CDK6: variants seen among roughly 807,000 people sequenced by gnomAD.
The protein encoded by CDK6 is cyclin-dependent kinase 6.
Under a neutral mutation model 37.1 loss-of-function variants are expected in CDK6, and 6 were observed. The ratio of observed to expected loss-of-function variants is 0.16; its 90% CI spans 0.09 to 0.32. The LOEUF is 0.32. Ranked by LOEUF, CDK6 falls within the 10% of genes least tolerant of loss-of-function variation. The pLI, the probability that CDK6 is intolerant of heterozygous loss-of-function variation, is 1.00. For synonymous variants in CDK6, 160 were observed against 161.3 expected, an observed-to-expected ratio of 0.99 and a Z score of 0.06; for missense variants, 224 against 418.9, an observed-to-expected ratio of 0.53 and a Z score of 4.06.
At chr7:92,685,763 T>A (rs961105420) in intron 4 of CDK6, among the ~76,000 whole-genome samples, 1 of 152,228 alleles carries the variant, frequency 6.6e-6, no homozygotes, top group Non-Finnish European at 1.5e-5. Flanking sequence ...GGCCAGTTTC[T>A]ATCTTAAATC....
intron 3 of CDK6, among the ~76,000 whole-genome samples, chr7:92,748,803 T>C (rs1418665805): frequency 2.6e-5 from 4 of 152,188 alleles, no homozygotes; most frequent in Non-Finnish European, 4.4e-5. Context: ...GGCAAATATA[T>C]GACTACTCAT....
intron 3 of CDK6, among the ~76,000 whole-genome samples, chr7:92,749,724 C>T (rs937718528): frequency 1.6e-4 from 25 of 152,144 alleles, no homozygotes; most frequent in Admixed American, 6.5e-5. Flanking sequence ...TGATTTGTAG[C>T]CTTCTTTAGT....
intron 5 of CDK6, among the ~76,000 whole-genome samples, chr7:92,627,931 TAA>T (rs200802807): frequency 3.4e-5 from 5 of 148,880 alleles, no homozygotes; most frequent in Non-Finnish European, 7.5e-5. Context: ...AAAAATAAAT[TAA>T]AAAAAAAACT....
At position 92,711,552 on chromosome 7, in the gene CDK6, A is replaced by T. The variant is rs751781789; in HGVS notation, c.537+14074T>A. ...TTTTTTACCTACCTGGAATGGTCAAATTTTTTTTTTTTTTTTTTTTTTTTT... is the reference window on the plus strand; with the variant it reads ...TTTTTTACCTACCTGGAATGGTCAATTTTTTTTTTTTTTTTTTTTTTTTTT... On this transcript the variant is annotated intron_variant, in intron 4 of 7. Transcript: ENST00000424848. Among the ~76,000 whole-genome samples, 185 of 56,644 alleles carry T rather than the reference A, an allele frequency of 3.3e-3. 1 individual carries two copies. The highest frequency in any genetic ancestry group is 4.5e-3 in the Non-Finnish European group (149 of 33,268). 37.2% of individuals were successfully genotyped at this position (56,644 alleles called of 152,430 possible).
chr7:92,808,667 T>C lies in CDK6; in HGVS notation c.233+24424A>G, dbSNP rs187409867. Among the ~76,000 whole-genome samples the C allele has an allele frequency of 1.7e-3, 263 of 152,342 alleles. 1 individual carries two copies. Among genetic ancestry groups the C allele is most frequent in the Non-Finnish European group, 3.0e-3 (207 of 68,034 alleles). On this transcript the variant is annotated intron_variant, in intron 2 of 7. Transcript: ENST00000424848. ...GTCCTGAGCCCTTCTGAAAATTGTA[T>C]GCTTTGGAATGAAATTCTTCATGTG...
chr7:92,677,809 T>C (rs984237652), intron 4 of CDK6, among the ~76,000 whole-genome samples: 2 of 152,238 alleles, frequency 1.3e-5, no homozygotes, highest in African/African-American at 4.8e-5. Context: ...ATTTTAATTA[T>C]CTCAAATTAT....
chr7:92,731,026 G>A (rs184571571), intron 3 of CDK6, among the ~76,000 whole-genome samples: 32 of 152,248 alleles, frequency 2.1e-4, no homozygotes, highest in African/African-American at 5.1e-4. Flanking sequence ...GTCCTAAAGC[G>A]TTAGCCAAGT....
intron 2 of CDK6, among the ~76,000 whole-genome samples, chr7:92,809,115 G>C (rs1800808393): frequency 6.6e-6 from 1 of 152,026 alleles, no homozygotes; most frequent in Admixed American, 6.6e-5. Context: ...CTTTAATAAT[G>C]AAGATATATT....
intron 4 of CDK6, among the ~76,000 whole-genome samples, chr7:92,676,089 T>C (rs536976413): frequency 2.8e-4 from 43 of 152,132 alleles, no homozygotes; most frequent in African/African-American, 1.0e-3. Context: ...TATTTTTATC[T>C]TTTAAAATTT....
intron 2 of CDK6, among the ~76,000 whole-genome samples, chr7:92,781,410 A>C (rs1799989314): frequency 6.6e-6 from 1 of 152,224 alleles, no homozygotes; most frequent in Admixed American, 6.5e-5. Context: ...GTAATTCTTA[A>C]TGACTACTTC....
chr7:92,753,074 G>C (rs886139138), intron 3 of CDK6, among the ~76,000 whole-genome samples: 3 of 151,938 alleles, frequency 2.0e-5, no homozygotes, highest in Admixed American at 2.0e-4. Flanking sequence ...ATCTACTTCT[G>C]AACATCAAAT....
chr7:92,825,372 C>CTAAA (rs552736036), intron 2 of CDK6, among the ~76,000 whole-genome samples: 64 of 152,160 alleles, frequency 4.2e-4, no homozygotes, highest in African/African-American at 1.2e-3. Flanking sequence ...AGACATCATG[C>CTAAA]TAAATGCTTG....
At chr7:92,796,059 T>C (rs938583579) in intron 2 of CDK6, among the ~76,000 whole-genome samples, 2 of 130,180 alleles carry the variant, frequency 1.5e-5, no homozygotes, top group African/African-American at 2.9e-5. Flanking sequence ...AGGACAAAGG[T>C]AACACCACCA....
At chr7:92,630,490 T>C (rs1486586551) in intron 5 of CDK6, among the ~76,000 whole-genome samples, 2 of 152,094 alleles carry the variant, frequency 1.3e-5, no homozygotes, top group Non-Finnish European at 2.9e-5. Context: ...CTGAAAAACT[T>C]TGCAAATGAA....
intron 3 of CDK6, among the ~76,000 whole-genome samples, chr7:92,729,208 C>T (rs1798584883): frequency 6.6e-6 from 1 of 152,150 alleles, no homozygotes; most frequent in Admixed American, 6.5e-5. Context: ...TGTTCTATCT[C>T]AGTTTATAGT....
intron 5 of CDK6, among the ~76,000 whole-genome samples, chr7:92,662,200 G>C (rs1379713394): frequency 2.0e-5 from 3 of 152,170 alleles, no homozygotes; most frequent in African/African-American, 7.2e-5. Context: ...AAACTGGAGG[G>C]AAGGAAGGAG....
chr7:92,816,688 C>T (rs1045648460), intron 2 of CDK6, among the ~76,000 whole-genome samples: 17 of 151,832 alleles, frequency 1.1e-4, no homozygotes, highest in Admixed American at 2.6e-4. Flanking sequence ...ACAAATTAAA[C>T]CCAATGTAAG....
intron 4 of CDK6, chr7:92,701,659 C>G (rs1797849093): frequency 6.6e-6 from 1 of 152,362 alleles, no homozygotes; most frequent in African/African-American, 2.4e-5. Context: ...CCCGCCTGGG[C>G]CTCCCAAAGT....
chr7:92,606,567 T>C lies in CDK6; in HGVS notation c.*8573A>G, dbSNP rs1435771695. The C allele has an allele frequency of 8.6e-6, 2 of 233,092 alleles. No individual in the cohort carries two copies. The highest frequency in any genetic ancestry group is 2.2e-5 in the African/African-American group (1 of 45,334). The allele number at this position is 233,092 out of a possible 1,614,324, so 14.4% of individuals were successfully genotyped here. ...ACACAGCCTAGATGAGTATCTGATA[T>C]ACACAATTTCTACATTTCTAGAACC... is the stretch of plus-strand genomic sequence containing the variant. On this transcript the variant is annotated 3_prime_UTR_variant, in exon 8 of 8. Transcript: ENST00000424848.
Sources: gnomAD v4.1 joint callset for allele counts (sites outside exome capture counted in the v4.1 genomes callset) on GRCh38, gnomAD v4.1.1 for gene constraint, MANE v1.5 for transcripts, NCBI Gene and HGNC (gene_info 2026-07-23, HGNC 2026-07-21) for gene names.